Variants in PDSS2 observed in about 807,000 individuals in gnomAD.
PDSS2 encodes the protein decaprenyl diphosphate synthase subunit 2.
In PDSS2, 31 loss-of-function variants were observed where a neutral mutation model predicts 44.5. That is an observed-to-expected ratio of 0.70 (90% CI 0.52 to 0.94). The LOEUF is 0.94. PDSS2 is among the 40% of genes least tolerant of loss of function. PDSS2 has a pLI of 0.00. For missense variants in PDSS2, 452 were observed against 482.2 expected (o/e 0.94, Z 0.59); for synonymous variants, 157 against 180.3 (o/e 0.87, Z 1.03).
At chr6:107,197,269 G>T (rs1374136749) in intron 6 of PDSS2, among the ~76,000 whole-genome samples, 3 of 151,212 alleles carry the variant, frequency 2.0e-5, no homozygotes, top group Admixed American at 2.0e-4. Context: ...GGTAAGGGGG[G>T]GGTGCAGTCT....
intron 1 of PDSS2, among the ~76,000 whole-genome samples, chr6:107,337,786 C>G (rs1777952124): frequency 6.6e-6 from 1 of 152,080 alleles, no homozygotes. Flanking sequence ...AGTTTTCTAC[C>G]TCCTCAAATA....
intron 1 of PDSS2, among the ~76,000 whole-genome samples, chr6:107,405,771 C>A (rs1053667754): frequency 2.7e-5 from 4 of 148,240 alleles, no homozygotes; most frequent in African/African-American, 9.9e-5. Context: ...GGCATGAACC[C>A]GGGAGGCGGA....
chr6:107,367,582 T>C (rs1308245864), intron 1 of PDSS2, among the ~76,000 whole-genome samples: 1 of 151,840 alleles, frequency 6.6e-6, no homozygotes, highest in African/African-American at 2.4e-5. Context: ...TCAGGAGTTC[T>C]AGATGAGCCT....
At chr6:107,192,815 C>T (rs1479901647) in intron 7 of PDSS2, among the ~76,000 whole-genome samples, 1 of 151,358 alleles carries the variant, frequency 6.6e-6, no homozygotes, top group Non-Finnish European at 1.5e-5. Context: ...ACTTTATTTT[C>T]AGCAAGGAAA....
At chr6:107,354,966 G>A (rs914037917) in intron 1 of PDSS2, among the ~76,000 whole-genome samples, 5 of 150,986 alleles carry the variant, frequency 3.3e-5, no homozygotes, top group African/African-American at 7.3e-5. Flanking sequence ...GTTCCACTCT[G>A]TCACCAGGCT....
intron 1 of PDSS2, among the ~76,000 whole-genome samples, chr6:107,388,047 T>C (rs1779663632): frequency 1.3e-5 from 2 of 152,170 alleles, no homozygotes; most frequent in South Asian, 4.1e-4. Flanking sequence ...AATTAGATGA[T>C]CTAAAACCAT....
intron 1 of PDSS2, among the ~76,000 whole-genome samples, chr6:107,384,851 C>A (rs1054163057): frequency 2.5e-4 from 38 of 151,928 alleles, no homozygotes; most frequent in African/African-American, 8.7e-4. Flanking sequence ...TCTCAATTTC[C>A]GCAAATAAAA....
intron 4 of PDSS2, chr6:107,229,676 T>C (rs1773971058): frequency 6.6e-6 from 1 of 152,228 alleles, no homozygotes; most frequent in African/African-American, 2.4e-5. Context: ...TACTCTGTGC[T>C]TCTGTAGGCA....
chr6:107,365,642 G>C (rs1375801231), intron 1 of PDSS2, among the ~76,000 whole-genome samples: 1 of 152,058 alleles, frequency 6.6e-6, no homozygotes, highest in East Asian at 1.9e-4. Flanking sequence ...ACACTTTATA[G>C]AAAAAGACGG....
At chr6:107,321,069 A>G (rs932392209) in intron 2 of PDSS2, among the ~76,000 whole-genome samples, 3 of 152,234 alleles carry the variant, frequency 2.0e-5, no homozygotes, top group African/African-American at 7.2e-5. Flanking sequence ...TAAATGCACT[A>G]ATATATATAA....
intron 1 of PDSS2, among the ~76,000 whole-genome samples, chr6:107,458,349 C>T (rs1257239087): frequency 1.4e-5 from 2 of 143,400 alleles, no homozygotes; most frequent in African/African-American, 5.3e-5. Context: ...ATTAGCCGGA[C>T]GTGGTGGCGG....
intron 2 of PDSS2, among the ~76,000 whole-genome samples, chr6:107,321,114 CTA>C (rs1454123071): frequency 6.6e-6 from 1 of 152,118 alleles, no homozygotes; most frequent in Non-Finnish European, 1.5e-5. Context: ...ATAGAAAACT[CTA>C]TATGTGTTAG....
chr6:107,177,259 T>C (rs2114429194), intron 7 of PDSS2, among the ~76,000 whole-genome samples: 1 of 151,692 alleles, frequency 6.6e-6, no homozygotes, highest in East Asian at 1.9e-4. Flanking sequence ...GCCTCCCGAG[T>C]AGCTGAGATT....
At chr6:107,295,245 T>C (rs1306266805) in intron 2 of PDSS2, among the ~76,000 whole-genome samples, 2 of 152,232 alleles carry the variant, frequency 1.3e-5, no homozygotes, top group Admixed American at 6.5e-5. Context: ...GTTCTGTTCT[T>C]AACATCTGTT....
chr6:107,226,459 G>A (rs1773825651), intron 4 of PDSS2, among the ~76,000 whole-genome samples: 1 of 152,176 alleles, frequency 6.6e-6, no homozygotes, highest in South Asian at 2.1e-4. Flanking sequence ...AGCTGACAAA[G>A]GAAACATAAA....
intron 1 of PDSS2, among the ~76,000 whole-genome samples, chr6:107,449,487 A>G (rs1015562352): frequency 6.6e-6 from 1 of 152,132 alleles, no homozygotes; most frequent in Non-Finnish European, 1.5e-5. Context: ...CTGTTTCTAC[A>G]CACCATTTCT....
intron 7 of PDSS2, among the ~76,000 whole-genome samples, chr6:107,157,832 G>A (rs1227595189): frequency 3.3e-5 from 5 of 151,938 alleles, no homozygotes; most frequent in African/African-American, 1.2e-4. Flanking sequence ...CACCACGCCT[G>A]GCTAATTTTT....
chr6:107,167,864 C>G (rs1388379050), intron 7 of PDSS2, among the ~76,000 whole-genome samples: 1 of 152,074 alleles, frequency 6.6e-6, no homozygotes, highest in Non-Finnish European at 1.5e-5. Context: ...AATTTCTGTT[C>G]TTTTATATTT....
chr6:107,161,141 C>T (rs1771111310), intron 7 of PDSS2, among the ~76,000 whole-genome samples: 1 of 151,984 alleles, frequency 6.6e-6, no homozygotes, highest in Non-Finnish European at 1.5e-5. Context: ...TCCCAAAGTG[C>T]TGGGATTACA....
Sources: gnomAD v4.1 joint callset for allele counts (sites outside exome capture counted in the v4.1 genomes callset) on GRCh38, gnomAD v4.1.1 for gene constraint, MANE v1.5 for transcripts, NCBI Gene and HGNC (gene_info 2026-07-23, HGNC 2026-07-21) for gene names.